Variants in NRG1 observed in about 807,000 individuals in gnomAD.
NRG1 encodes neuregulin 1.
In NRG1, 18 loss-of-function variants were observed where a neutral mutation model predicts 63.8. That is an observed-to-expected ratio of 0.28 (90% confidence interval 0.19 to 0.42). The LOEUF (loss-of-function observed/expected upper bound fraction) is 0.42, where lower values mean the gene tolerates loss of function less well. Ranked by LOEUF, NRG1 falls within the 10% of genes least tolerant of loss-of-function variation. The pLI is 1.00. For synonymous variants in NRG1, 302 were observed against 301.3 expected, an observed-to-expected ratio of 1.00 and a Z score of -0.02; for missense variants, 762 against 814.7, an observed-to-expected ratio of 0.94 and a Z score of 0.79.
chr8:32,447,120 G>A (rs778840968), intron 1 of NRG1, among the ~76,000 whole-genome samples: 11 of 151,794 alleles, frequency 7.2e-5, no homozygotes, highest in Non-Finnish European at 1.6e-4. Context: ...CCAGGTTCAA[G>A]TGATTCTCCT....
At chr8:31,730,554 A>G (rs1282093834) in intron 1 of NRG1, among the ~76,000 whole-genome samples, 13 of 152,196 alleles carry the variant, frequency 8.5e-5, no homozygotes, top group Non-Finnish European at 1.0e-4. Context: ...GCGTCAGACA[A>G]TTTGCTATCA....
chr8:32,192,710 G>A lies in NRG1; in HGVS notation c.38-403118G>A, dbSNP rs372716778. 1.4e-4 allele frequency among the ~76,000 whole-genome samples: 21 copies of A among 151,942 alleles called. No individual in the cohort carries two copies. The East Asian group carries it at 2.1e-3, about 15-fold the overall frequency. On this transcript the variant is annotated intron_variant, in intron 1 of 10. Transcript: ENST00000519301. Reference sequence around the variant, plus strand: ...CATAACATAACCAAGTAGCAACCCTGCACATGTACCAATGAATCTAGAATT... The same window carrying A: ...CATAACATAACCAAGTAGCAACCCTACACATGTACCAATGAATCTAGAATT...
intron 1 of NRG1, among the ~76,000 whole-genome samples, chr8:32,508,017 G>A (rs1027065281): frequency 2.6e-5 from 4 of 152,144 alleles, no homozygotes; most frequent in African/African-American, 7.2e-5. Context: ...GTATTTATGG[G>A]GATGTTCAAT....
At chr8:31,988,877 A>G (rs1214003857) in intron 1 of NRG1, among the ~76,000 whole-genome samples, 1 of 151,972 alleles carries the variant, frequency 6.6e-6, no homozygotes, top group African/African-American at 2.4e-5. Context: ...CAAATTCCGG[A>G]ATTCTTTTCA....
chr8:32,365,067 GC>G (rs1460389293), intron 1 of NRG1, among the ~76,000 whole-genome samples: 1 of 146,218 alleles, frequency 6.8e-6, no homozygotes, highest in Non-Finnish European at 1.5e-5. Context: ...CAAGCAATCT[GC>G]CCACATCTGC....
At chr8:31,988,251 G>A (rs1810426277) in intron 1 of NRG1, among the ~76,000 whole-genome samples, 1 of 152,066 alleles carries the variant, frequency 6.6e-6, no homozygotes, top group African/African-American at 2.4e-5. Context: ...GTTAATGGTT[G>A]TAACTGGTTA....
chr8:31,835,763 CTTG>C lies in NRG1; in HGVS notation c.37+196337_37+196339del, dbSNP rs572332164. On this transcript the variant is annotated intron_variant, in intron 1 of 10. Transcript: ENST00000519301. ...TGTCCTTCCCTTCTGTATTAACTCT[CTTG>C]TTGTATGAAATAATGTTATGTATTA... Among the ~76,000 whole-genome samples the C allele has an allele frequency of 3.8e-3, 582 of 152,222 alleles. 1 individual carries two copies. The highest frequency in any genetic ancestry group is 0.024 in the Middle Eastern group (7 of 294).
intron 1 of NRG1, among the ~76,000 whole-genome samples, chr8:32,195,443 A>AAC (rs1359344729): frequency 1.3e-5 from 2 of 151,460 alleles, no homozygotes; most frequent in African/African-American, 4.9e-5. Context: ...TGTCTCAAAA[A>AAC]AAAAAAAAAA....
chr8:32,602,989 A>T (rs1844637881), intron 2 of NRG1, among the ~76,000 whole-genome samples: 1 of 152,216 alleles, frequency 6.6e-6, no homozygotes, highest in Non-Finnish European at 1.5e-5. Context: ...AAAAGTTGTC[A>T]TATTTTATTG....
At chr8:32,615,310 G>T (rs1016977612) in intron 4 of NRG1, among the ~76,000 whole-genome samples, 1 of 151,884 alleles carries the variant, frequency 6.6e-6, no homozygotes, top group Non-Finnish European at 1.5e-5. Flanking sequence ...ATCTTTATTT[G>T]GAAGAAAATT....
intron 1 of NRG1, among the ~76,000 whole-genome samples, chr8:32,528,681 G>A (rs529481835): frequency 4.7e-4 from 72 of 151,994 alleles, no homozygotes; most frequent in Non-Finnish European, 9.7e-4. Context: ...AATGTAAGGG[G>A]GTTTGGTTCT....
chr8:32,184,943 A>G (rs1310793727), intron 1 of NRG1, among the ~76,000 whole-genome samples: 1 of 152,170 alleles, frequency 6.6e-6, no homozygotes, highest in East Asian at 1.9e-4. Context: ...AAGGGAAGCC[A>G]TGAGTGGTGA....
chr8:32,634,095 G>A (rs1162627564), intron 5 of NRG1, among the ~76,000 whole-genome samples: 1 of 69,442 alleles, frequency 1.4e-5, no homozygotes, highest in Non-Finnish European at 2.2e-5. Flanking sequence ...GCAAGATCTT[G>A]TCTTAAAAAA....
chr8:32,381,770 T>A lies in NRG1; in HGVS notation c.38-214058T>A, dbSNP rs1222203365. 2.6e-5 allele frequency among the ~76,000 whole-genome samples: 4 copies of A among 152,316 alleles called. No homozygotes were observed. The East Asian group carries it at 7.7e-4, about 29-fold the overall frequency. On this transcript the variant is annotated intron_variant, in intron 1 of 10. Transcript: ENST00000519301. ...TCAAGAAAATGTTATGGATTTGGCC[T>A]CTCAAATTATGACCCTGTTGAACTA...
intron 1 of NRG1, among the ~76,000 whole-genome samples, chr8:31,783,208 A>C (rs1819854340): frequency 1.3e-5 from 2 of 152,226 alleles, no homozygotes; most frequent in Non-Finnish European, 2.9e-5. Flanking sequence ...GGCATTAAAC[A>C]AAAGAAACTT....
intron 2 of NRG1, among the ~76,000 whole-genome samples, chr8:32,597,909 G>T (rs766067570): frequency 1.3e-5 from 2 of 152,104 alleles, no homozygotes; most frequent in African/African-American, 2.4e-5. Context: ...TTCTTACAAA[G>T]AAGTTTAACA....
intron 5 of NRG1, among the ~76,000 whole-genome samples, chr8:32,719,403 C>G (rs1425848054): frequency 6.6e-6 from 1 of 152,004 alleles, no homozygotes; most frequent in Non-Finnish European, 1.5e-5. Flanking sequence ...TCATCCCAGT[C>G]ATTTCCCTTC....
At chr8:32,383,592 CTGGAATTGGACA>C (rs1166927037) in intron 1 of NRG1, among the ~76,000 whole-genome samples, 1 of 152,188 alleles carries the variant, frequency 6.6e-6, no homozygotes, top group Non-Finnish European at 1.5e-5. Context: ...CCCTTTTGGA[CTGGAATTGGACA>C]TATCTCTGGA....
intron 1 of NRG1, among the ~76,000 whole-genome samples, chr8:32,413,514 A>C (rs556625805): frequency 6.6e-6 from 1 of 152,316 alleles, no homozygotes; most frequent in African/African-American, 2.4e-5. Flanking sequence ...AGAAAACCTT[A>C]ATAAAGGCCG....
Sources: gnomAD v4.1 joint callset for allele counts (sites outside exome capture counted in the v4.1 genomes callset) on GRCh38, gnomAD v4.1.1 for gene constraint, MANE v1.5 for transcripts, NCBI Gene and HGNC (gene_info 2026-07-23, HGNC 2026-07-21) for gene names.